TSNARE1: variants seen among roughly 807,000 people sequenced by gnomAD.
TSNARE1 encodes the protein t-SNARE domain containing 1, also known as t-SNARE domain-containing protein 1.
Under a neutral mutation model 62.0 loss-of-function variants are expected in TSNARE1, and 49 were observed. The ratio of observed to expected loss-of-function variants is 0.79; its 90% CI spans 0.63 to 1.00. TSNARE1 has a LOEUF of 1.00. Among genes scored for constraint, TSNARE1 ranks in the 50% least tolerant of loss-of-function variants. The pLI, the probability that TSNARE1 is intolerant of heterozygous loss-of-function variation, is 0.00. For synonymous variants in TSNARE1, 328 were observed against 294.4 expected, an observed-to-expected ratio of 1.11 and a Z score of -1.17; for missense variants, 755 against 700.1, an observed-to-expected ratio of 1.08 and a Z score of -0.88.
chr8:142,259,732 C>A (rs1279174988), intron 12 of TSNARE1, among the ~76,000 whole-genome samples: 1 of 152,192 alleles, frequency 6.6e-6, no homozygotes, highest in African/African-American at 2.4e-5. Flanking sequence ...AGGCCCCTTC[C>A]CCTACCGTTC....
chr8:142,288,513 G>C (rs1272068590), intron 10 of TSNARE1, among the ~76,000 whole-genome samples: 1 of 152,254 alleles, frequency 6.6e-6, no homozygotes, highest in Non-Finnish European at 1.5e-5. Context: ...TGGCTTCACA[G>C]ATAGCTTGCT....
At chr8:142,390,293 G>T (rs10112213) in intron 1 of TSNARE1, among the ~76,000 whole-genome samples, 4,525 of 106,662 alleles carry the variant, frequency 0.042, 2 homozygotes, top group South Asian at 0.057. Context: ...TGTACACTGC[G>T]GGGGACTCCG....
intron 12 of TSNARE1, among the ~76,000 whole-genome samples, chr8:142,243,719 T>C (rs561237362): frequency 6.6e-6 from 1 of 152,274 alleles, no homozygotes; most frequent in South Asian, 2.1e-4. Flanking sequence ...TAATGTATAG[T>C]AGACTTAAAC....
At chr8:142,302,942 C>T (rs558351761) in intron 9 of TSNARE1, among the ~76,000 whole-genome samples, 20 of 152,144 alleles carry the variant, frequency 1.3e-4, no homozygotes, top group Admixed American at 1.2e-3. Context: ...AAGGATCCTC[C>T]GTCAGCACTA....
chr8:142,396,995 A>G (rs376747721), intron 1 of TSNARE1, among the ~76,000 whole-genome samples: 880 of 91,364 alleles, frequency 9.6e-3, no homozygotes, highest in Middle Eastern at 0.071. Flanking sequence ...AGGCAGCTCC[A>G]CCTGCCCTGG....
At chr8:142,302,015 T>C (rs1288260296) in intron 9 of TSNARE1, among the ~76,000 whole-genome samples, 1 of 152,152 alleles carries the variant, frequency 6.6e-6, no homozygotes, top group Admixed American at 6.5e-5. Flanking sequence ...GGCCCACTGA[T>C]GCCACGCCGG....
intron 9 of TSNARE1, among the ~76,000 whole-genome samples, chr8:142,303,859 A>C (rs1826195932): frequency 6.6e-6 from 1 of 152,158 alleles, no homozygotes; most frequent in South Asian, 2.1e-4. Flanking sequence ...AGACAACAGG[A>C]CCAACAGCCA....
chr8:142,258,749 T>C (rs1314240783), intron 12 of TSNARE1, among the ~76,000 whole-genome samples: 1 of 152,198 alleles, frequency 6.6e-6, no homozygotes, highest in African/African-American at 2.4e-5. Flanking sequence ...CTCAAACTCC[T>C]GACCTCAAGT....
At chr8:142,263,723 T>G (rs752455541) in intron 12 of TSNARE1, among the ~76,000 whole-genome samples, 3 of 152,216 alleles carry the variant, frequency 2.0e-5, no homozygotes, top group Non-Finnish European at 4.4e-5. Flanking sequence ...AGTGGACTTT[T>G]CTAGGAATCT....
intron 1 of TSNARE1, among the ~76,000 whole-genome samples, chr8:142,384,404 C>T (rs900542620): frequency 6.6e-6 from 1 of 152,146 alleles, no homozygotes; most frequent in Non-Finnish European, 1.5e-5. Context: ...AATTTGGAGG[C>T]CACATTCTTC....
chr8:142,295,130 G>A (rs1017315575), intron 10 of TSNARE1, among the ~76,000 whole-genome samples: 1 of 152,194 alleles, frequency 6.6e-6, no homozygotes, highest in South Asian at 2.1e-4. Flanking sequence ...GCAATGTTCC[G>A]GGACCCCTCG....
chr8:142,321,713 G>A (rs1480326086), intron 6 of TSNARE1, among the ~76,000 whole-genome samples: 1 of 152,068 alleles, frequency 6.6e-6, no homozygotes, highest in African/African-American at 2.4e-5. Flanking sequence ...AGATGAAATA[G>A]AAAAATTCCT....
intron 11 of TSNARE1, chr8:142,280,108 C>T (rs116184363): frequency 1.1e-5 from 13 of 1,147,398 alleles, no homozygotes; most frequent in Non-Finnish European, 1.4e-5. Context: ...GGCAGGTGTG[C>T]CCCGCAGCGC....
rs76884369 is a variant in TSNARE1, at chr8:142,299,413, C to T, written c.1290+1073G>A. Among the ~76,000 whole-genome samples, 53 of 152,358 alleles carry T rather than the reference C, an allele frequency of 3.5e-4. No homozygotes were observed. In the East Asian group the frequency reaches 9.3e-3, roughly 27 times the overall value. Reference sequence around the variant, plus strand: ...CAGACATTTGCTCTGGAAACCCAGCCTCTGGGAGCTTCAGAGTGGGCAGGC... The same window carrying T: ...CAGACATTTGCTCTGGAAACCCAGCTTCTGGGAGCTTCAGAGTGGGCAGGC... On this transcript the variant is annotated intron_variant, in intron 10 of 13. Transcript: ENST00000524325.
chr8:142,357,277 T>C (rs1193172556), intron 1 of TSNARE1, among the ~76,000 whole-genome samples: 1 of 152,224 alleles, frequency 6.6e-6, no homozygotes, highest in Non-Finnish European at 1.5e-5. Context: ...TGAGGGCTGC[T>C]GCACAGGCTT....
chr8:142,321,784 A>G (rs1829520047), intron 6 of TSNARE1, among the ~76,000 whole-genome samples: 1 of 152,250 alleles, frequency 6.6e-6, no homozygotes, highest in Admixed American at 6.5e-5. Context: ...AAATAGCTCT[A>G]TATGTATGGC....
At chr8:142,285,387 A>AATGG (rs1822545280) in intron 10 of TSNARE1, among the ~76,000 whole-genome samples, 1 of 119,554 alleles carries the variant, frequency 8.4e-6, no homozygotes, top group South Asian at 3.2e-4. Flanking sequence ...TGGATGGGTG[A>AATGG]ATGGATGGAT....
intron 13 of TSNARE1, among the ~76,000 whole-genome samples, chr8:142,215,218 G>A (rs139393498): frequency 1.1e-3 from 167 of 152,314 alleles, no homozygotes; most frequent in African/African-American, 3.9e-3. Context: ...GCACTGCTCT[G>A]GCAGAGTGAC....
chr8:142,274,788 C>G lies in TSNARE1; in HGVS notation c.1439G>C (p.Arg480Pro). The G allele has an allele frequency of 6.4e-7, 1 of 1,570,236 alleles. No individual in the cohort carries two copies. Among genetic ancestry groups the G allele is most frequent in the South Asian group, 1.2e-5 (1 of 85,214 alleles). ...GCCCTCACACGGACTTACTTGGTGC[C>G]GGCTGGCTCCAGCCAGGAGCTGGCG... is the stretch of plus-strand genomic sequence containing the variant. ...AARQLLAGASRHQLQRHKIKC... is the reference protein window; with the variant it reads ...AARQLLAGASPHQLQRHKIKC... Residue 480 changes from arginine to proline, a missense_variant, in exon 12 of 14, where the codon CGG becomes CCG. Arg to Pro is a moderately radical substitution (Grantham distance 103, BLOSUM62 -2). Transcript: ENST00000524325.
Sources: allele counts gnomAD v4.1 joint callset (sites outside exome capture counted in the v4.1 genomes callset), GRCh38; gene constraint gnomAD v4.1.1; transcripts MANE v1.5; gene names NCBI Gene and HGNC (gene_info 2026-07-23, HGNC 2026-07-21).